GNG2: variants seen among roughly 807,000 people sequenced by gnomAD.
GNG2 encodes the protein G protein subunit gamma 2, also known as guanine nucleotide-binding protein G(I)/G(S)/G(O) subunit gamma-2.
Under a neutral mutation model 5.5 loss-of-function variants are expected in GNG2, and 5 were observed. The observed-to-expected ratio is 0.91, with a 90% CI of 0.48 to 1.92. The LOEUF is 1.92. Ranked by LOEUF, GNG2 falls within the 30% of genes most tolerant of loss-of-function variation. The pLI is 0.01. For synonymous variants in GNG2, 28 were observed against 32.0 expected (o/e 0.88, Z 0.42); for missense variants, 55 against 88.4 (o/e 0.62, Z 1.52).
At chr14:51,860,093 GAAGCTGCAAGCTGC>G (rs547661490), upstream of GNG2, among the ~76,000 whole-genome samples, 229 of 152,210 alleles carry the variant, frequency 1.5e-3, no homozygotes, top group African/African-American at 5.2e-3. Context: ...GCTGCAGTGA[GAAGCTGCAAGCTGC>G]AAGCTGCAAG....
intron 2 of GNG2, among the ~76,000 whole-genome samples, chr14:51,884,220 A>G (rs28694719): frequency 0.053 from 8,110 of 152,188 alleles, 469 homozygotes; most frequent in East Asian, 0.24. Context: ...GCCTTTTAAA[A>G]CTGAAAGAAA....
intron 2 of GNG2, among the ~76,000 whole-genome samples, chr14:51,920,018 T>C (rs1886919636): frequency 6.6e-6 from 1 of 152,316 alleles, no homozygotes; most frequent in South Asian, 2.1e-4. Context: ...AGGAACCCCC[T>C]TGGAGACCAA....
chr14:51,959,038 C>T (rs373387722), intron 3 of GNG2, among the ~76,000 whole-genome samples: 4 of 152,266 alleles, frequency 2.6e-5, no homozygotes, highest in East Asian at 1.9e-4. Context: ...TGCCTTGAAA[C>T]ACTTTCTTTA....
rs764552809 is a variant in GNG2 at position 51,943,346 on chromosome 14, G to T, written c.-29-7304G>T. Among the ~76,000 whole-genome samples, 55 of 152,124 alleles carry T rather than the reference G, an allele frequency of 3.6e-4. 1 individual carries two copies. The highest frequency in any genetic ancestry group is 4.4e-4 in the Non-Finnish European group (30 of 68,036). On this transcript the variant is annotated intron_variant, in intron 2 of 3. Transcript: ENST00000556766. ...GCATATTTGTTTTAAAGCCATTTCA[G>T]TGGTTAATGAATTCAAACCTTTATT...
intron 2 of GNG2, among the ~76,000 whole-genome samples, chr14:51,933,390 G>A (rs1237869156): frequency 6.6e-6 from 1 of 152,074 alleles, no homozygotes; most frequent in Admixed American, 6.5e-5. Context: ...AGAGGAAGTG[G>A]ACACAGCAAC....
intron 3 of GNG2, among the ~76,000 whole-genome samples, chr14:51,957,530 A>G (rs1461130580): frequency 1.3e-5 from 2 of 152,198 alleles, no homozygotes. Flanking sequence ...ATAAGTTGTC[A>G]AAAGATGTCC....
intron 2 of GNG2, among the ~76,000 whole-genome samples, chr14:51,899,489 A>G (rs984915663): frequency 2.6e-5 from 4 of 152,226 alleles, no homozygotes; most frequent in African/African-American, 9.6e-5. Context: ...AACCATTTTT[A>G]AGACTACAGT....
At chr14:51,849,776 T>C (rs2140085617) in intron 2 of GNG2, among the ~76,000 whole-genome samples, 1 of 151,536 alleles carries the variant, frequency 6.6e-6, no homozygotes, top group East Asian at 2.0e-4. Flanking sequence ...ATGTATAAAT[T>C]ATACCTAATT....
At chr14:51,885,971 A>G (rs1884434006) in intron 2 of GNG2, among the ~76,000 whole-genome samples, 1 of 152,190 alleles carries the variant, frequency 6.6e-6, no homozygotes, top group South Asian at 2.1e-4. Flanking sequence ...AGCATTTTTC[A>G]CTATATATGA....
chr14:51,954,885 C>G (rs568435443), intron 3 of GNG2, among the ~76,000 whole-genome samples: 11 of 152,242 alleles, frequency 7.2e-5, no homozygotes, highest in African/African-American at 2.6e-4. Flanking sequence ...AGTGCCATCT[C>G]TGTTCCAGCA....
chr14:51,921,809 T>G (rs1219332888), intron 2 of GNG2, among the ~76,000 whole-genome samples: 1 of 152,180 alleles, frequency 6.6e-6, no homozygotes, highest in African/African-American at 2.4e-5. Context: ...AAAGGATTTT[T>G]CAAATTATGA....
chr14:51,958,251 C>T (rs12432144), intron 3 of GNG2, among the ~76,000 whole-genome samples: 10,078 of 152,178 alleles, frequency 0.066, 893 homozygotes, highest in East Asian at 0.38. Context: ...GTTTTCCCTG[C>T]CCCAGTCCTG....
chr14:51,942,821 A>G (rs1888423055), intron 2 of GNG2, among the ~76,000 whole-genome samples: 1 of 151,622 alleles, frequency 6.6e-6, no homozygotes. Flanking sequence ...AAGAAGTGTA[A>G]CCACATGTAT....
chr14:51,836,195 C>T (rs2748131), intron 2 of GNG2, among the ~76,000 whole-genome samples: 1 of 151,856 alleles, frequency 6.6e-6, no homozygotes, highest in African/African-American at 2.4e-5. Context: ...ATTCAGGAAG[C>T]GTCCACCCTC....
chr14:51,944,372 T>C (rs1888522366), intron 2 of GNG2, among the ~76,000 whole-genome samples: 2 of 152,238 alleles, frequency 1.3e-5, no homozygotes, highest in Non-Finnish European at 2.9e-5. Flanking sequence ...TTTACTCACA[T>C]GGCTGAGAGG....
chr14:51,904,161 C>T (rs11850819), intron 2 of GNG2, among the ~76,000 whole-genome samples: 21,560 of 152,020 alleles, frequency 0.14, 2,891 homozygotes, highest in African/African-American at 0.36. Flanking sequence ...CTCACACAGC[C>T]GACACCTGAC....
chr14:51,863,167 A>G (rs1444379111), intron 1 of GNG2, among the ~76,000 whole-genome samples: 1 of 152,230 alleles, frequency 6.6e-6, no homozygotes, highest in Non-Finnish European at 1.5e-5. Flanking sequence ...TAGTCAAAGT[A>G]GAAAGCCTGT....
chr14:51,901,854 G>GACTGTCAGT (rs1240960167), intron 2 of GNG2, among the ~76,000 whole-genome samples: 1 of 151,170 alleles, frequency 6.6e-6, no homozygotes, highest in African/African-American at 2.4e-5. Context: ...CCCAGGAGCA[G>GACTGTCAGT]ACTGTCAGTA....
intron 2 of GNG2, among the ~76,000 whole-genome samples, chr14:51,889,287 A>G (rs1884683317): frequency 6.6e-6 from 1 of 151,692 alleles, no homozygotes; most frequent in Non-Finnish European, 1.5e-5. Flanking sequence ...TAATTTTTGT[A>G]TTTTTAGTAG....
Sources: gnomAD v4.1 joint callset for allele counts (sites outside exome capture counted in the v4.1 genomes callset) on GRCh38, gnomAD v4.1.1 for gene constraint, MANE v1.5 for transcripts, NCBI Gene and HGNC (gene_info 2026-07-23, HGNC 2026-07-21) for gene names.